STRIP1: variants seen among roughly 807,000 people sequenced by gnomAD.
STRIP1 encodes the protein striatin-interacting protein 1.
Under a neutral mutation model 106.2 loss-of-function variants are expected in STRIP1, and 63 were observed. That is an observed-to-expected ratio of 0.59 (90% CI 0.48 to 0.73). STRIP1 has a LOEUF of 0.73. STRIP1 is among the 30% of genes least tolerant of loss of function. The pLI is 0.00. For missense variants in STRIP1, 857 were observed against 1,074.8 expected (o/e 0.80, Z 2.83); for synonymous variants, 390 against 413.0 (o/e 0.94, Z 0.67).
intron 12 of STRIP1, chr1:110,045,416 AC>A (rs1475847289): frequency 7.5e-6 from 2 of 268,042 alleles, no homozygotes; most frequent in Non-Finnish European, 1.5e-5. Context: ...GATCAAGGCT[AC>A]AGTGAGCTAT....
At chr1:110,044,766 TG>T in intron 10 of STRIP1, 73 bp from the exon 11 acceptor site, 3 of 1,428,850 alleles carry the variant, frequency 2.1e-6, no homozygotes, top group Admixed American at 1.8e-5. Flanking sequence ...GCTGTGTTTT[TG>T]TTAACTGTAA....
chr1:110,049,758 C>T (rs1653204725), intron 17 of STRIP1, 198 bp downstream of exon 17: 3 of 555,938 alleles, frequency 5.4e-6, no homozygotes, highest in Non-Finnish European at 6.3e-6. Context: ...TAGTCCTGCC[C>T]CAGGTGACTT....
At chr1:110,044,952 G>A (rs746500212) in intron 11 of STRIP1, 47 bp downstream of exon 11, 4 of 1,613,276 alleles carry the variant, frequency 2.5e-6, no homozygotes, top group Non-Finnish European at 3.4e-6. Flanking sequence ...CCCGGCCTTT[G>A]GTGTTTGGGA....
chr1:110,046,766 C>T lies in STRIP1; in HGVS notation c.1488+15C>T, dbSNP rs1451175692. 1 of 1,606,710 alleles carries T rather than the reference C, an allele frequency of 6.2e-7. No individual in the cohort carries two copies. Among genetic ancestry groups the T allele is most frequent in the Non-Finnish European group, 8.5e-7 (1 of 1,174,186 alleles). ...CTCTCTCAGGGGTAAGTTGGAGGTC[C>T]TCAGTCCGGGCGCGGTGGCTCACGC... On this transcript the variant is annotated intron_variant, in intron 13 of 20. Coordinates refer to ENST00000369795, the MANE Select transcript of STRIP1 (RefSeq NM_033088.4).
chr1:110,054,089 C>T lies in STRIP1; in HGVS notation c.*177C>T. On this transcript the variant is annotated 3_prime_UTR_variant, in exon 21 of 21. Coordinates refer to ENST00000369795, the MANE Select transcript of STRIP1 (RefSeq NM_033088.4). The stretch of plus-strand genomic sequence containing the variant: ...GCCCAGCTTGACCTCCCCTTGGTTC[C>T]CAGGGTCCTGCTCCGAAGCAGTCAT... The T allele has an allele frequency of 1.5e-6, 1 of 672,532 alleles. No homozygotes were observed. Among genetic ancestry groups the T allele is most frequent in the Non-Finnish European group, 2.5e-6 (1 of 399,158 alleles). The allele number at this position is 672,532 out of a possible 1,614,324, so 41.7% of individuals were successfully genotyped here. A position where few individuals can be genotyped will look rare whatever the true frequency, so the allele number is the denominator to read the frequency against.
chr1:110,043,431 G>C (rs563067616), intron 9 of STRIP1, among the ~76,000 whole-genome samples, 161 bp downstream of exon 9: 30 of 152,362 alleles, frequency 2.0e-4, no homozygotes, highest in African/African-American at 7.0e-4. Flanking sequence ...CTCTGGTCCA[G>C]TGTATGGTGA....
intron 10 of STRIP1, among the ~76,000 whole-genome samples, chr1:110,044,241 A>G (rs1652912311): frequency 6.6e-6 from 1 of 152,262 alleles, no homozygotes; most frequent in African/African-American, 2.4e-5. Flanking sequence ...AGCCATAATG[A>G]AAATGTTTGA....
At chr1:110,042,189 A>C (rs1268341837) in intron 8 of STRIP1, among the ~76,000 whole-genome samples, 1 of 152,146 alleles carries the variant, frequency 6.6e-6, no homozygotes, top group Non-Finnish European at 1.5e-5. Context: ...TTTGAGGCAA[A>C]GTTACAGCTG....
chr1:110,035,341 A>G (rs986675562), intron 1 of STRIP1, among the ~76,000 whole-genome samples: 2 of 152,180 alleles, frequency 1.3e-5, no homozygotes, highest in African/African-American at 4.8e-5. Context: ...CATTGAGAGT[A>G]GAGTAGGAGG....
At chr1:110,043,937 A>G (rs985487818) in intron 10 of STRIP1, 81 bp downstream of exon 10, 1 of 1,312,070 alleles carries the variant, frequency 7.6e-7, no homozygotes, top group Admixed American at 1.8e-5. Flanking sequence ...GGCCTGTGTC[A>G]CCATGTGTGG....
At position 110,039,173 on chromosome 1, in the gene STRIP1, G is replaced by C. The variant is rs1315721992; in HGVS notation, c.327G>C (p.Val109=). The part of the protein sequence containing the change: ...KCFEEDFRIH[V]TDKKWTELDT... Reference sequence around the variant, plus strand: ...TGTAACTGGTTTCTTGCCCTGCAGTGACAGACAAGAAGTGGACTGAGCTGG... The same window carrying C: ...TGTAACTGGTTTCTTGCCCTGCAGTCACAGACAAGAAGTGGACTGAGCTGG... Residue 109 remains valine, a splice_region_variant and synonymous_variant, in exon 4 of 21, where the codon GTG becomes GTC. Coordinates refer to ENST00000369795, the MANE Select transcript of STRIP1 (RefSeq NM_033088.4). 1.2e-6 allele frequency: 2 copies of C among 1,613,906 alleles called. No homozygotes were observed. The highest frequency in any genetic ancestry group is 1.3e-5 in the African/African-American group (1 of 74,910).
Position 110,049,174 on chromosome 1 carries a change from T to A in STRIP1, c.1724T>A (p.Val575Asp), listed in dbSNP as rs1653170908. Reference protein sequence around the residue: ...VDVNRHKEVIVKAISAVLLLL... With the variant: ...VDVNRHKEVIDKAISAVLLLL... ...GTAAACCGCCACAAAGAGGTCATTG[T>A]TAAGGCCATTTCTGCTGTCCTGCTG... Residue 575 changes from valine to aspartate, a missense_variant, in exon 16 of 21, where the codon GTT becomes GAT. Physicochemically the swap from Val to Asp is radical, Grantham distance 152 (BLOSUM62 -3). Transcript: ENST00000369795. 1.2e-6 allele frequency: 2 copies of A among 1,614,070 alleles called. No individual in the cohort carries two copies. Among genetic ancestry groups the A allele is most frequent in the Non-Finnish European group, 1.7e-6 (2 of 1,180,050 alleles).
At chr1:110,044,787 A>G (rs1652936240) in intron 10 of STRIP1, 53 bp from the exon 11 acceptor site, 1 of 1,569,054 alleles carries the variant, frequency 6.4e-7, no homozygotes, top group South Asian at 1.1e-5. Flanking sequence ...ACACTTTGAA[A>G]TAGCATTTGC....
Position 110,039,399 on chromosome 1 carries a change from G to A in STRIP1, c.465G>A (p.Thr155=), listed in dbSNP as rs753025068. Reference sequence around the variant, plus strand: ...GAGTTGAACCCTGCATTGCAGGCACGTTTGGGGAGTGCAGCTCGGAGGCAG... The same window carrying A: ...GAGTTGAACCCTGCATTGCAGGCACATTTGGGGAGTGCAGCTCGGAGGCAG... ...ARAILYVAQG[T]FGECSSEAEV... is the part of the protein sequence containing the mutation. The change falls in exon 5 of 21, where the codon ACG becomes ACA. Residue 155 remains threonine (T), a synonymous_variant. Transcript: ENST00000369795. 78 of 1,614,064 alleles carry A rather than the reference G, an allele frequency of 4.8e-5. No individual in the cohort carries two copies. The highest frequency in any genetic ancestry group is 5.8e-5 in the Non-Finnish European group (69 of 1,180,026).
At chr1:110,050,619 G>A (rs1653250876) in intron 18 of STRIP1, among the ~76,000 whole-genome samples, 1 of 152,248 alleles carries the variant, frequency 6.6e-6, no homozygotes, top group Non-Finnish European at 1.5e-5. Context: ...ATTAGTCAGG[G>A]AGTGTGGTCT....
chr1:110,044,747 T>C, intron 10 of STRIP1, 93 bp from the exon 11 acceptor site: 1 of 1,245,804 alleles, frequency 8.0e-7, no homozygotes, highest in African/African-American at 1.5e-5. Flanking sequence ...GGCTTCACAG[T>C]TTCTGGATGC....
In STRIP1 at chr1:110,041,656, G is replaced by C; in HGVS notation, c.757+14G>C. On this transcript the variant is annotated intron_variant, in intron 7 of 20. Coordinates refer to ENST00000369795, the MANE Select transcript of STRIP1 (RefSeq NM_033088.4). Reference sequence around the variant, plus strand: ...GAGCCGAGCTGGGTAGGACCCTGGGGATCCTCTCTAGAGGCCCTGCCTGGA... The same window carrying C: ...GAGCCGAGCTGGGTAGGACCCTGGGCATCCTCTCTAGAGGCCCTGCCTGGA... 1.2e-6 allele frequency: 2 copies of C among 1,614,142 alleles called. No homozygotes were observed. Among genetic ancestry groups the C allele is most frequent in the Non-Finnish European group, 1.7e-6 (2 of 1,180,014 alleles).
At chr1:110,045,760 GGGA>G (rs1032594089) in intron 12 of STRIP1, among the ~76,000 whole-genome samples, 1 of 152,148 alleles carries the variant, frequency 6.6e-6, no homozygotes, top group Non-Finnish European at 1.5e-5. Context: ...CTTGGTGGCG[GGGA>G]GGAGAAGAGA....
Position 110,043,769 on chromosome 1 carries a change from G to A in STRIP1, c.1199G>A (p.Arg400Gln), listed in dbSNP as rs1210171149. The change falls in exon 10 of 21, where the codon CGG becomes CAG. Residue 400 changes from arginine (R) to glutamine (Q), a missense_variant. This residue lies in a region of STRIP1 where 750 missense variants were observed against 989.8 expected (regional missense o/e 0.76). Coordinates refer to ENST00000369795, the MANE Select transcript of STRIP1 (RefSeq NM_033088.4). Reference sequence around the variant, plus strand: ...GAGGGGGAGACGTTTCCCCTGGAACGGGATGAAGTGATGCCTCCCCCGCTA... The same window carrying A: ...GAGGGGGAGACGTTTCCCCTGGAACAGGATGAAGTGATGCCTCCCCCGCTA... ...SLEGETFPLE[R>Q]DEVMPPPLQH... 12 of 1,614,176 alleles carry A rather than the reference G, an allele frequency of 7.4e-6. No individual in the cohort carries two copies. The highest frequency in any genetic ancestry group is 2.2e-5 in the South Asian group (2 of 91,078).
Sources: allele counts gnomAD v4.1 joint callset (sites outside exome capture counted in the v4.1 genomes callset), GRCh38; gene constraint gnomAD v4.1.1; regional missense constraint gnomAD v4.1.1; transcripts MANE v1.5; gene names NCBI Gene and HGNC (gene_info 2026-07-23, HGNC 2026-07-21).